Variants in LARS1 observed in about 807,000 individuals in gnomAD.
LARS1 encodes leucine--tRNA ligase, cytoplasmic.
A neutral mutation model predicts 162.8 loss-of-function variants in LARS1; 100 were observed. The ratio of observed to expected loss-of-function variants is 0.61; its 90% CI spans 0.52 to 0.73. LARS1 has a LOEUF of 0.73. Among genes scored for constraint, LARS1 ranks in the 30% least tolerant of loss-of-function variants. LARS1 has a pLI of 0.00. For missense variants in LARS1, 1,258 were observed against 1,408.9 expected (o/e 0.89, Z 1.71); for synonymous variants, 457 against 462.8 (o/e 0.99, Z 0.16).
intron 10 of LARS1, among the ~76,000 whole-genome samples, chr5:146,157,015 T>C (rs1753558552): frequency 6.6e-6 from 1 of 152,152 alleles, no homozygotes; most frequent in Non-Finnish European, 1.5e-5. Flanking sequence ...TCCTACAACA[T>C]GTATGAATCT....
At chr5:146,137,744 TAA>T in intron 21 of LARS1, 1 of 283,734 alleles carries the variant, frequency 3.5e-6, no homozygotes, top group Non-Finnish European at 7.0e-6. Context: ...GCAGGACTTC[TAA>T]AAGGAAATAT....
chr5:146,148,965 C>T (rs1428494409), intron 15 of LARS1, among the ~76,000 whole-genome samples: 1 of 152,098 alleles, frequency 6.6e-6, no homozygotes, highest in African/African-American at 2.4e-5. Flanking sequence ...ATTCCAGCTA[C>T]TCAGGAGGCT....
At chr5:146,147,901 A>G (rs940402551) in intron 15 of LARS1, among the ~76,000 whole-genome samples, 1 of 152,184 alleles carries the variant, frequency 6.6e-6, no homozygotes, top group Admixed American at 6.5e-5. Flanking sequence ...GGGAGAAAAA[A>G]GATTATACAA....
intron 15 of LARS1, among the ~76,000 whole-genome samples, chr5:146,146,018 G>A (rs1474950134): frequency 1.3e-5 from 2 of 152,184 alleles, no homozygotes; most frequent in Non-Finnish European, 2.9e-5. Context: ...TCAGAAATTG[G>A]TGGCATTAAA....
Position 146,144,507 on chromosome 5 carries a change from C to A in LARS1, c.1620G>T (p.Lys540Asn). The A allele has an allele frequency of 6.2e-7, 1 of 1,613,918 alleles. No homozygotes were observed. The highest frequency in any genetic ancestry group is 1.3e-5 in the African/African-American group (1 of 74,988). Reference sequence around the variant, plus strand: ...TCTTCAAGCACTGAGATGTCTGTTTCTTCCAATTCTCTTCTCCATAATCCA... The same window carrying A: ...TCTTCAAGCACTGAGATGTCTGTTTATTCCAATTCTCTTCTCCATAATCCA... ...WYLDYGEENW[K>N]KQTSQCLKNL... The change falls in exon 17 of 32, where the codon AAG becomes AAT. Residue 540 changes from lysine (K) to asparagine (N), a missense_variant. Transcript: ENST00000394434.
chr5:146,135,158 C>T (rs1752450234), intron 22 of LARS1, among the ~76,000 whole-genome samples: 1 of 151,888 alleles, frequency 6.6e-6, no homozygotes, highest in Non-Finnish European at 1.5e-5. Context: ...GCACCTGCCA[C>T]CACACCCAGC....
chr5:146,125,485 A>AT (rs1206670975), intron 28 of LARS1, among the ~76,000 whole-genome samples: 3 of 152,006 alleles, frequency 2.0e-5, no homozygotes, highest in Non-Finnish European at 4.4e-5. Context: ...ACTAATTTGT[A>AT]TTTTTAAACA....
intron 10 of LARS1, among the ~76,000 whole-genome samples, chr5:146,154,183 A>G (rs1753418981): frequency 6.7e-6 from 1 of 149,330 alleles, no homozygotes; most frequent in Non-Finnish European, 1.5e-5. Flanking sequence ...GATTTTTTTA[A>G]GAGACAGAGC....
intron 21 of LARS1, among the ~76,000 whole-genome samples, chr5:146,139,214 G>A (rs1165155075): frequency 1.3e-5 from 2 of 151,884 alleles, no homozygotes; most frequent in East Asian, 3.9e-4. Context: ...ATGGTGGCAT[G>A]CGCCTGTAAT....
At chr5:146,132,815 AAGAAAAG>A in intron 23 of LARS1, 76 bp downstream of exon 23, 1 of 965,806 alleles carries the variant, frequency 1.0e-6, no homozygotes, top group South Asian at 1.9e-5. Context: ...AAAAAAAAAA[AAGAAAAG>A]AAAAGAAAAA....
At chr5:146,154,048 T>G in intron 10 of LARS1, 68 bp from the exon 11 acceptor site, 1 of 1,104,070 alleles carries the variant, frequency 9.1e-7, no homozygotes, top group East Asian at 2.4e-5. Context: ...TAAAACTATG[T>G]TAATATTTTA....
At chr5:146,145,449 C>T (rs568348796) in intron 15 of LARS1, among the ~76,000 whole-genome samples, 1 of 152,042 alleles carries the variant, frequency 6.6e-6, no homozygotes, top group African/African-American at 2.4e-5. Flanking sequence ...AAAGACTAAA[C>T]ATAGAAAATC....
At position 146,161,287 on chromosome 5, in the gene LARS1, T is replaced by C. The variant is rs2063004; in HGVS notation, c.595-801A>G. Among the ~76,000 whole-genome samples, 1,176 of 152,284 alleles carry C rather than the reference T, an allele frequency of 7.7e-3. 20 individuals are homozygous for C. The highest frequency in any genetic ancestry group is 0.027 in the African/African-American group (1,122 of 41,552). On this transcript the variant is annotated intron_variant, in intron 6 of 31. Transcript: ENST00000394434. ...GACGGCTGCTGACTGATGAGAGAAG[T>C]GGCTACTGAAGGTTGTGATGGCTAT...
chr5:146,124,001 T>C lies in LARS1; in HGVS notation c.3077A>G (p.Tyr1026Cys), dbSNP rs34823161. The part of the protein sequence containing the change: ...EKAVLMENIV[Y>C]LTNSLELEHI... ...TCTTACCTCAAGCGAATTAGTCAGA[T>C]AGACTATATTCTCCATAAGCACAGC... The change falls in exon 29 of 32, where the codon TAT becomes TGT. Residue 1026 changes from tyrosine to cysteine, a missense_variant. By Grantham distance (194) the Tyr-to-Cys change is radical. Coordinates refer to ENST00000394434, the MANE Select transcript of LARS1 (RefSeq NM_020117.11). 6,815 of 1,603,414 alleles carry C rather than the reference T, an allele frequency of 4.3e-3. 18 individuals carry two copies. The highest frequency in any genetic ancestry group is 6.3e-3 in the Admixed American group (377 of 59,820).
intron 31 of LARS1, among the ~76,000 whole-genome samples, chr5:146,117,685 C>T (rs1020531142): frequency 2.0e-5 from 3 of 152,222 alleles, no homozygotes; most frequent in Non-Finnish European, 4.4e-5. Context: ...CACTATCATG[C>T]TCTTTCTGCT....
intron 2 of LARS1, among the ~76,000 whole-genome samples, chr5:146,176,645 A>G (rs1754593595): frequency 6.6e-6 from 1 of 152,150 alleles, no homozygotes; most frequent in Admixed American, 6.6e-5. Flanking sequence ...AATCTGGGAT[A>G]TATCTTATAA....
In LARS1 at chr5:146,172,089, C is replaced by A. The variant is rs78678605; in HGVS notation, c.214-99G>T. ...AAAAAATTAGTTTTCTTCTTTACAT[C>A]CTCCTTTGGAATGCCAGTTAGATTT... On this transcript the variant is annotated intron_variant, in intron 3 of 31. Coordinates refer to ENST00000394434, the MANE Select transcript of LARS1 (RefSeq NM_020117.11). 913 of 1,050,726 alleles carry A rather than the reference C, an allele frequency of 8.7e-4. 3 individuals are homozygous for A. In the African/African-American group the frequency reaches 0.013, roughly 15 times the overall value. 65.1% of individuals were successfully genotyped at this position (1,050,726 alleles called of 1,614,324 possible).
At chr5:146,150,626 CAAA>C (rs71581862) in intron 14 of LARS1, among the ~76,000 whole-genome samples, 7 of 68,810 alleles carry the variant, frequency 1.0e-4, no homozygotes, top group African/African-American at 1.1e-4. Flanking sequence ...GACTCCGTCT[CAAA>C]AAAAAAAAAA....
At position 146,166,468 on chromosome 5, in the gene LARS1, A is replaced by G. The variant is rs11741611; in HGVS notation, c.432+1660T>C. 6.5e-3 allele frequency among the ~76,000 whole-genome samples: 987 copies of G among 152,334 alleles called. 3 individuals are homozygous for G. Among genetic ancestry groups the G allele is most frequent in the Middle Eastern group, 0.017 (5 of 294 alleles). On this transcript the variant is annotated intron_variant, in intron 5 of 31. Transcript: ENST00000394434. ...TATAAGCCTATAGTTCCAGCTACTC[A>G]GGAGACTGAGGTGAGAAGACAGCTT... is the stretch of plus-strand genomic sequence containing the variant.
Sources: allele counts gnomAD v4.1 joint callset (sites outside exome capture counted in the v4.1 genomes callset), GRCh38; gene constraint gnomAD v4.1.1; transcripts MANE v1.5; gene names NCBI Gene and HGNC (gene_info 2026-07-23, HGNC 2026-07-21).